Variants in SFMBT1 observed in about 807,000 individuals in gnomAD.
SFMBT1 encodes the protein Scm like with four mbt domains 1, also known as scm-like with four MBT domains protein 1.
Under a neutral mutation model 108.7 loss-of-function variants are expected in SFMBT1, and 32 were observed. The observed-to-expected ratio is 0.29, with a 90% CI of 0.22 to 0.40. The LOEUF (loss-of-function observed/expected upper bound fraction) is 0.40, where lower values mean the gene tolerates loss of function less well. Ranked by LOEUF, SFMBT1 falls within the 10% of genes least tolerant of loss-of-function variation. The pLI is 1.00. For synonymous variants in SFMBT1, 348 were observed against 369.5 expected (o/e 0.94, Z 0.67); for missense variants, 816 against 1,059.6 (o/e 0.77, Z 3.19).
chr3:53,043,614 T>A (rs1180090076), intron 1 of SFMBT1, among the ~76,000 whole-genome samples: 4 of 152,202 alleles, frequency 2.6e-5, no homozygotes, highest in African/African-American at 7.2e-5. Context: ...ATATAGTACC[T>A]ATATTCTAAA....
chr3:52,943,711 A>G (rs1703268753), intron 3 of SFMBT1, 118 bp from the exon 4 acceptor site: 3 of 1,293,532 alleles, frequency 2.3e-6, no homozygotes, highest in Non-Finnish European at 3.3e-6. Flanking sequence ...CATCTCAAGG[A>G]AAGCCTGAGA....
intron 16 of SFMBT1, 37 bp from the exon 17 acceptor site, chr3:52,911,215 G>GCAT: frequency 6.5e-7 from 1 of 1,544,478 alleles, no homozygotes; most frequent in Non-Finnish European, 8.7e-7. Context: ...AATATATTGG[G>GCAT]CTAATGATTA....
intron 1 of SFMBT1, among the ~76,000 whole-genome samples, chr3:52,974,833 TAA>T (rs10646648): frequency 8.8e-5 from 8 of 90,676 alleles, no homozygotes; most frequent in Admixed American, 1.2e-4. Flanking sequence ...CTATAAAAAG[TAA>T]AAAAAAAAAA....
chr3:53,013,369 C>T (rs909148251), intron 1 of SFMBT1, among the ~76,000 whole-genome samples: 2 of 151,540 alleles, frequency 1.3e-5, no homozygotes, highest in Non-Finnish European at 2.9e-5. Context: ...AAGAATATTA[C>T]GTCTTGAGTA....
chr3:53,024,972 G>A (rs1385796591), intron 1 of SFMBT1, among the ~76,000 whole-genome samples: 2 of 151,914 alleles, frequency 1.3e-5, no homozygotes, highest in African/African-American at 4.8e-5. Context: ...ATAAATAATT[G>A]CAAATTAACA....
intron 1 of SFMBT1, 61 bp from the exon 2 acceptor site, chr3:52,969,319 C>T: frequency 4.2e-6 from 6 of 1,430,130 alleles, no homozygotes; most frequent in Non-Finnish European, 4.6e-6. Flanking sequence ...ACTCACTCAT[C>T]AAACAGGGCA....
At chr3:52,912,302 T>C (rs1387492651) in intron 16 of SFMBT1, among the ~76,000 whole-genome samples, 2 of 152,100 alleles carry the variant, frequency 1.3e-5, no homozygotes, top group African/African-American at 2.4e-5. Flanking sequence ...TGCCTCAGCC[T>C]CCCAAGTAGC....
At chr3:53,035,257 C>A (rs1476650532) in intron 1 of SFMBT1, among the ~76,000 whole-genome samples, 3 of 116,508 alleles carry the variant, frequency 2.6e-5, no homozygotes, top group Non-Finnish European at 3.6e-5. Flanking sequence ...TCTACTTGGC[C>A]TCAGTGCTTC....
rs1553636669 is a variant in SFMBT1, at chr3:52,945,137, A to AAAAAAAAAACAAAAAACAAAC, written c.124-1545_124-1544insGTTTGTTTTTTGTTTTTTTTT. ...GATTTCCAAATACCACCTTCCAATT[A>AAAAAAAAAACAAAAAACAAAC]AAAAAAAAAAAAAACAAGGACTTCA... On this transcript the variant is annotated intron_variant, in intron 3 of 20. Coordinates refer to ENST00000394752, the MANE Select transcript of SFMBT1 (RefSeq NM_016329.4). Among the ~76,000 whole-genome samples the AAAAAAAAAACAAAAAACAAAC allele has an allele frequency of 2.1e-5, 2 of 95,942 alleles. 1 individual carries two copies. The highest frequency in any genetic ancestry group is 8.3e-5 in the African/African-American group (2 of 23,986). The allele number at this position is 95,942 out of a possible 152,430, so 62.9% of individuals were successfully genotyped here. A position where few individuals can be genotyped will look rare whatever the true frequency, so the allele number is the denominator to read the frequency against.
chr3:52,999,312 G>A (rs772990538), intron 1 of SFMBT1, among the ~76,000 whole-genome samples: 8 of 150,258 alleles, frequency 5.3e-5, no homozygotes, highest in African/African-American at 1.2e-4. Context: ...CGTGGACACC[G>A]GCCTGAAGGC....
intron 1 of SFMBT1, among the ~76,000 whole-genome samples, chr3:53,016,424 G>T (rs954234498): frequency 2.0e-5 from 3 of 152,192 alleles, no homozygotes; most frequent in African/African-American, 4.8e-5. Context: ...CAATGTGGTT[G>T]TATCAACACA....
intron 1 of SFMBT1, among the ~76,000 whole-genome samples, chr3:53,032,771 A>C (rs1171832917): frequency 6.6e-6 from 1 of 152,228 alleles, no homozygotes; most frequent in African/African-American, 2.4e-5. Flanking sequence ...TTTAGTAGAG[A>C]TGAGAAACAC....
chr3:52,922,566 G>A (rs915022718), intron 10 of SFMBT1, among the ~76,000 whole-genome samples: 1 of 152,214 alleles, frequency 6.6e-6, no homozygotes, highest in Non-Finnish European at 1.5e-5. Context: ...CTAAGTTAAA[G>A]GTGACTCTAA....
At chr3:53,009,631 A>C (rs1452391597) in intron 1 of SFMBT1, among the ~76,000 whole-genome samples, 3 of 152,176 alleles carry the variant, frequency 2.0e-5, no homozygotes. Context: ...CCCTTGAACA[A>C]CACAGGCGTC....
chr3:52,937,261 AT>A (rs570299625), intron 4 of SFMBT1, among the ~76,000 whole-genome samples: 3 of 150,984 alleles, frequency 2.0e-5, no homozygotes, highest in Non-Finnish European at 4.4e-5. Flanking sequence ...TTTTCTTTGC[AT>A]TTTTTTTTGT....
chr3:53,024,800 C>G (rs558496311), intron 1 of SFMBT1, among the ~76,000 whole-genome samples: 2 of 152,240 alleles, frequency 1.3e-5, no homozygotes, highest in East Asian at 3.9e-4. Flanking sequence ...CGAAGGGACT[C>G]CTACCAGGTG....
At chr3:52,971,238 AT>A (rs749362462) in intron 1 of SFMBT1, among the ~76,000 whole-genome samples, 1 of 152,128 alleles carries the variant, frequency 6.6e-6, no homozygotes, top group Non-Finnish European at 1.5e-5. Context: ...TATTATGTCC[AT>A]TTTTTATCTA....
chr3:52,925,034 A>T (rs530108402), intron 10 of SFMBT1, among the ~76,000 whole-genome samples: 18 of 152,248 alleles, frequency 1.2e-4, no homozygotes, highest in African/African-American at 4.1e-4. Context: ...CAGCCTGGCC[A>T]ACATGGTGAA....
At chr3:52,969,367 C>T in intron 1 of SFMBT1, 109 bp from the exon 2 acceptor site, 1 of 1,136,872 alleles carries the variant, frequency 8.8e-7, no homozygotes. Context: ...CAAAAACATA[C>T]TGGCAGAATA....
Sources: allele counts gnomAD v4.1 joint callset (sites outside exome capture counted in the v4.1 genomes callset), GRCh38; gene constraint gnomAD v4.1.1; transcripts MANE v1.5; gene names NCBI Gene and HGNC (gene_info 2026-07-23, HGNC 2026-07-21).